Variants in ENOX1 observed in about 807,000 individuals in gnomAD.
ENOX1 encodes the protein candidate growth-related and time keeping constitutive hydroquinone (NADH) oxidase.
Under a neutral mutation model 82.5 loss-of-function variants are expected in ENOX1, and 42 were observed. The observed-to-expected ratio is 0.51, with a 90% confidence interval of 0.40 to 0.66. The LOEUF is 0.66. ENOX1 is among the 30% of genes least tolerant of loss of function. The pLI, the probability that ENOX1 is intolerant of heterozygous loss-of-function variation, is 0.00. For synonymous variants in ENOX1, 271 were observed against 282.2 expected (o/e 0.96, Z 0.40); for missense variants, 608 against 811.6 (o/e 0.75, Z 3.05).
At position 43,548,662 on chromosome 13, in the gene ENOX1, GT is replaced by G. The variant is rs527962848; in HGVS notation, c.-218-64511del. On this transcript the variant is annotated intron_variant, in intron 2 of 16. Transcript: ENST00000690772. ...GCTGGGTCCACATGCCATCCCTGTG[GT>G]CTGCTATTCCTGTGGTCTGAATGGC... Among the ~76,000 whole-genome samples the G allele has an allele frequency of 2.5e-3, 388 of 152,270 alleles. 1 individual carries two copies. The highest frequency in any genetic ancestry group is 9.0e-3 in the African/African-American group (373 of 41,544).
chr13:43,516,357 A>G (rs1043233720), intron 2 of ENOX1, among the ~76,000 whole-genome samples: 7 of 152,142 alleles, frequency 4.6e-5, no homozygotes, highest in Non-Finnish European at 1.0e-4. Context: ...TGAATTAGAC[A>G]CAGCTTTTCA....
intron 1 of ENOX1, among the ~76,000 whole-genome samples, chr13:43,762,875 G>A (rs1951061862): frequency 6.6e-6 from 1 of 152,188 alleles, no homozygotes; most frequent in East Asian, 1.9e-4. Context: ...TTAGAAAGGT[G>A]TCTAAGTGAT....
intron 5 of ENOX1, among the ~76,000 whole-genome samples, chr13:43,364,196 G>GAGGAAGACACAAACAC (rs2050700287): frequency 1.3e-5 from 2 of 152,076 alleles, no homozygotes; most frequent in African/African-American, 4.8e-5. Context: ...ACTGAAAATC[G>GAGGAAGACACAAACAC]AGGAAGACAC....
rs558181893 is a variant in ENOX1 at position 43,565,954 on chromosome 13, C to T, written c.-218-81802G>A. Among the ~76,000 whole-genome samples, 418 of 152,208 alleles carry T rather than the reference C, an allele frequency of 2.7e-3. 3 individuals are homozygous for T. The highest frequency in any genetic ancestry group is 8.8e-3 in the African/African-American group (365 of 41,534). On this transcript the variant is annotated intron_variant, in intron 2 of 16. Transcript: ENST00000690772. ...TCTCACTGGTTATGGCAGTTTTTAA[C>T]GAGATTTTTCTATTTGTTTGGCCTA...
intron 1 of ENOX1, among the ~76,000 whole-genome samples, chr13:43,749,019 A>G (rs1004561926): frequency 1.3e-5 from 2 of 152,198 alleles, no homozygotes; most frequent in Non-Finnish European, 2.9e-5. Context: ...TATCTATGCC[A>G]TAGGGTTGTT....
chr13:43,321,898 G>A (rs1209707884), intron 11 of ENOX1, among the ~76,000 whole-genome samples: 1 of 152,204 alleles, frequency 6.6e-6, no homozygotes, highest in Non-Finnish European at 1.5e-5. Flanking sequence ...ACAACCTAAG[G>A]AGTGACACCC....
rs564623889 is a variant in ENOX1, at chr13:43,540,917, A to G, written c.-218-56765T>C. On this transcript the variant is annotated intron_variant, in intron 2 of 16. Transcript: ENST00000690772. The stretch of plus-strand genomic sequence containing the variant: ...GAGGGTGGAATCAACAGCACATAAG[A>G]ATCTCATGTGGGGAATAAGAGACAG... 3.3e-5 allele frequency among the ~76,000 whole-genome samples: 5 copies of G among 152,224 alleles called. No individual in the cohort carries two copies. The East Asian group carries it at 9.7e-4, about 29-fold the overall frequency.
chr13:43,730,440 T>C (rs1344669177), intron 1 of ENOX1, among the ~76,000 whole-genome samples: 2 of 152,176 alleles, frequency 1.3e-5, no homozygotes, highest in African/African-American at 4.8e-5. Context: ...AGAACCTACA[T>C]CCGATCACTC....
chr13:43,380,861 A>G (rs1368021761), intron 5 of ENOX1, among the ~76,000 whole-genome samples: 1 of 151,810 alleles, frequency 6.6e-6, no homozygotes. Context: ...AAAATATAAC[A>G]ATCCCAAATA....
At chr13:43,731,720 T>C (rs1374481060) in intron 1 of ENOX1, among the ~76,000 whole-genome samples, 1 of 152,200 alleles carries the variant, frequency 6.6e-6, no homozygotes, top group African/African-American at 2.4e-5. Context: ...CCTCACGAAA[T>C]CACTGTCTAA....
At chr13:43,739,914 C>G (rs896176160) in intron 1 of ENOX1, among the ~76,000 whole-genome samples, 11 of 152,176 alleles carry the variant, frequency 7.2e-5, no homozygotes, top group African/African-American at 2.6e-4. Flanking sequence ...AGGATGAAGA[C>G]CTTATAATGA....
intron 2 of ENOX1, among the ~76,000 whole-genome samples, chr13:43,651,834 G>C (rs112017779): frequency 4.0e-5 from 6 of 151,842 alleles, no homozygotes; most frequent in Admixed American, 1.3e-4. Flanking sequence ...AATTAGCCGG[G>C]GGTAGTGGCA....
At chr13:43,529,733 C>T (rs2078131094) in intron 2 of ENOX1, among the ~76,000 whole-genome samples, 1 of 152,062 alleles carries the variant, frequency 6.6e-6, no homozygotes, top group Non-Finnish European at 1.5e-5. Flanking sequence ...AACACATCCC[C>T]TTGGTTAAGG....
chr13:43,298,692 T>A (rs183445339), intron 11 of ENOX1, among the ~76,000 whole-genome samples, 162 bp from the exon 12 acceptor site: 2 of 152,334 alleles, frequency 1.3e-5, no homozygotes, highest in East Asian at 3.9e-4. Flanking sequence ...GTAGTCGGTA[T>A]GCATCACTTC....
intron 9 of ENOX1, among the ~76,000 whole-genome samples, chr13:43,331,730 G>A (rs934172928): frequency 3.9e-5 from 6 of 152,170 alleles, no homozygotes; most frequent in Non-Finnish European, 8.8e-5. Context: ...ATAATGGAGG[G>A]AATGCAGTAA....
chr13:43,637,667 C>T (rs1483412097), intron 2 of ENOX1, among the ~76,000 whole-genome samples: 1 of 152,012 alleles, frequency 6.6e-6, no homozygotes, highest in African/African-American at 2.4e-5. Context: ...AAGAATAGCA[C>T]TCTAACAAAT....
chr13:43,734,810 CAT>C lies in ENOX1; in HGVS notation c.-285+51840_-285+51841del, dbSNP rs2089533045. Reference sequence around the variant, plus strand: ...TGGTTTGCTCGGTTTGGAACAAAGACATATGAGATACAGTCACAAAAATAGAG... The same window carrying C: ...TGGTTTGCTCGGTTTGGAACAAAGACATGAGATACAGTCACAAAAATAGAG... On this transcript the variant is annotated intron_variant, in intron 1 of 16. Transcript: ENST00000690772. 2.6e-5 allele frequency among the ~76,000 whole-genome samples: 4 copies of C among 152,278 alleles called. 1 individual carries two copies. Among genetic ancestry groups the C allele is most frequent in the Admixed American group, 2.6e-4 (4 of 15,296 alleles).
chr13:43,640,076 T>G (rs1357242413), intron 2 of ENOX1, among the ~76,000 whole-genome samples: 1 of 152,198 alleles, frequency 6.6e-6, no homozygotes, highest in African/African-American at 2.4e-5. Flanking sequence ...GATATTATTA[T>G]ATAAGAAATA....
chr13:43,669,807 ATGAT>A (rs2085169171), intron 1 of ENOX1, among the ~76,000 whole-genome samples: 1 of 152,170 alleles, frequency 6.6e-6, no homozygotes, highest in African/African-American at 2.4e-5. Flanking sequence ...TGCCAGGTCA[ATGAT>A]TGAGAGAGGA....
Sources: allele counts gnomAD v4.1 joint callset (sites outside exome capture counted in the v4.1 genomes callset), GRCh38; gene constraint gnomAD v4.1.1; transcripts MANE v1.5; gene names NCBI Gene and HGNC (gene_info 2026-07-23, HGNC 2026-07-21).